SGCD: variants seen among roughly 807,000 people sequenced by gnomAD.
The protein encoded by SGCD is delta-sarcoglycan.
Under a neutral mutation model 36.6 loss-of-function variants are expected in SGCD, and 18 were observed. The observed-to-expected ratio is 0.49, with a 90% CI of 0.34 to 0.73. The LOEUF (loss-of-function observed/expected upper bound fraction) is 0.73. Among genes scored for constraint, SGCD ranks in the 30% least tolerant of loss-of-function variants. The probability of loss-of-function intolerance (pLI) is 0.01; values close to 1 mark genes in which losing one functional copy is unlikely to be tolerated. For missense variants in SGCD, 387 were observed against 346.7 expected (o/e 1.12, Z -0.92); for synonymous variants, 133 against 130.6 (o/e 1.02, Z -0.12).
the SGCD span, among the ~76,000 whole-genome samples, chr5:155,841,936 C>T: frequency 5.3e-5 from 8 of 152,014 alleles, no homozygotes; most frequent in African/African-American, 1.9e-4. Flanking sequence ...GGTCATGGCC[C>T]AACTAGATCA....
At chr5:156,384,508 G>T (rs1475293890) in intron 3 of SGCD, among the ~76,000 whole-genome samples, 1 of 152,154 alleles carries the variant, frequency 6.6e-6, no homozygotes, top group Non-Finnish European at 1.5e-5. Context: ...GATTGAGCTT[G>T]TGTGCCAGAC....
At chr5:156,305,226 G>A (rs2127686797) in intron 3 of SGCD, among the ~76,000 whole-genome samples, 1 of 152,304 alleles carries the variant, frequency 6.6e-6, no homozygotes, top group South Asian at 2.1e-4. Flanking sequence ...TCCCATCACA[G>A]GTCAGGAGGC....
At chr5:155,795,289 T>C in the SGCD span, among the ~76,000 whole-genome samples, 5 of 152,162 alleles carry the variant, frequency 3.3e-5, no homozygotes, top group Non-Finnish European at 5.9e-5. Context: ...TGATGTCTTA[T>C]GCAGTTCAAT....
chr5:156,693,744 A>G (rs923273023), intron 7 of SGCD, among the ~76,000 whole-genome samples: 2 of 152,144 alleles, frequency 1.3e-5, no homozygotes, highest in Admixed American at 6.5e-5. Context: ...TGTATCACAA[A>G]TTGCAGTTGA....
At chr5:156,020,087 A>T (rs531902982) in intron 1 of SGCD, among the ~76,000 whole-genome samples, 1 of 152,272 alleles carries the variant, frequency 6.6e-6, no homozygotes, top group Admixed American at 6.5e-5. Context: ...ACTGTAAAAC[A>T]TTTCCTGATC....
intron 3 of SGCD, among the ~76,000 whole-genome samples, chr5:156,224,872 T>A (rs79154308): frequency 0.057 from 8,651 of 152,248 alleles, 344 homozygotes; most frequent in Non-Finnish European, 0.085. Flanking sequence ...ATTCTTTCTG[T>A]ACCTATTGTA....
intron 1 of SGCD, among the ~76,000 whole-genome samples, chr5:155,914,434 A>G (rs1036192760): frequency 2.6e-5 from 4 of 152,160 alleles, no homozygotes; most frequent in African/African-American, 9.7e-5. Context: ...GCGTTGAGAT[A>G]TGTCTCTTGG....
At chr5:156,593,333 T>C (rs1362770222) in intron 5 of SGCD, among the ~76,000 whole-genome samples, 1 of 152,160 alleles carries the variant, frequency 6.6e-6, no homozygotes, top group East Asian at 1.9e-4. Context: ...AATGTAATTT[T>C]TCAGAACACG....
At chr5:156,535,811 T>C (rs1758080985) in intron 4 of SGCD, among the ~76,000 whole-genome samples, 1 of 152,196 alleles carries the variant, frequency 6.6e-6, no homozygotes, top group Non-Finnish European at 1.5e-5. Context: ...TGTCCTGTCT[T>C]TGATGAGCCA....
chr5:156,391,829 T>C (rs1238226795), intron 3 of SGCD, among the ~76,000 whole-genome samples: 1 of 152,226 alleles, frequency 6.6e-6, no homozygotes, highest in South Asian at 2.1e-4. Context: ...CATCCAAGTC[T>C]AATATTTTCT....
intron 1 of SGCD, among the ~76,000 whole-genome samples, chr5:155,977,799 A>G (rs1347211648): frequency 1.3e-5 from 2 of 152,196 alleles, no homozygotes; most frequent in African/African-American, 4.8e-5. Flanking sequence ...AGCCTCATTT[A>G]AAGTGGTCAG....
chr5:156,007,172 G>A (rs1758775139), intron 1 of SGCD, among the ~76,000 whole-genome samples: 1 of 152,040 alleles, frequency 6.6e-6, no homozygotes, highest in South Asian at 2.1e-4. Flanking sequence ...TGGCTGGCAG[G>A]AGCCCCCCAG....
intron 1 of SGCD, among the ~76,000 whole-genome samples, chr5:156,103,099 A>C (rs1447229224): frequency 1.3e-5 from 2 of 152,216 alleles, no homozygotes; most frequent in African/African-American, 4.8e-5. Context: ...TACAAGATTC[A>C]TTAATTGGAT....
At chr5:155,844,931 G>GTTTTGTTACATAGGTATACACATGCCATT in the SGCD span, among the ~76,000 whole-genome samples, 5 of 152,130 alleles carry the variant, frequency 3.3e-5, no homozygotes, top group African/African-American at 1.2e-4. Flanking sequence ...AGAACGTGCA[G>GTTTTGTTACATAGGTATACACATGCCATT]TTTTGTTACA....
intron 4 of SGCD, among the ~76,000 whole-genome samples, chr5:156,569,467 C>A (rs1561784752): frequency 6.6e-6 from 1 of 152,092 alleles, no homozygotes; most frequent in Non-Finnish European, 1.5e-5. Context: ...TGGCATGCAC[C>A]TGTATTCCCA....
chr5:156,453,483 C>T (rs557432557), intron 3 of SGCD, among the ~76,000 whole-genome samples: 1 of 152,174 alleles, frequency 6.6e-6, no homozygotes, highest in African/African-American at 2.4e-5. Context: ...TCACAATAGC[C>T]CCAAACTGGA....
intron 3 of SGCD, among the ~76,000 whole-genome samples, chr5:156,441,894 T>C (rs547975217): frequency 3.2e-4 from 49 of 152,128 alleles, no homozygotes; most frequent in Non-Finnish European, 6.0e-4. Flanking sequence ...TGGAAATGGC[T>C]GATTTGCGTG....
chr5:156,340,933 C>A (rs968128087), intron 2 of SGCD, among the ~76,000 whole-genome samples: 5 of 152,100 alleles, frequency 3.3e-5, no homozygotes, highest in African/African-American at 1.2e-4. Context: ...CAGATGTATC[C>A]ATTACCATAT....
At chr5:155,852,017 C>T in the SGCD span, among the ~76,000 whole-genome samples, 5 of 152,192 alleles carry the variant, frequency 3.3e-5, no homozygotes, top group Non-Finnish European at 5.9e-5. Context: ...AGCGCAGAGC[C>T]TGGAACATGA....
Sources: gnomAD v4.1 joint callset for allele counts (sites outside exome capture counted in the v4.1 genomes callset) on GRCh38, gnomAD v4.1.1 for gene constraint, MANE v1.5 for transcripts, NCBI Gene and HGNC (gene_info 2026-07-23, HGNC 2026-07-21) for gene names.